Variants in PTPRD observed in about 807,000 individuals in gnomAD.
PTPRD encodes receptor-type tyrosine-protein phosphatase delta.
Under a neutral mutation model 214.5 loss-of-function variants are expected in PTPRD, and 34 were observed. That is an observed-to-expected ratio of 0.16 (90% CI 0.12 to 0.21). The LOEUF (loss-of-function observed/expected upper bound fraction) is 0.21, where lower values mean the gene tolerates loss of function less well. PTPRD is among the 10% of genes least tolerant of loss of function. PTPRD has a pLI of 1.00. For missense variants in PTPRD, 2,545 were observed against 2,398.7 expected (o/e 1.06, Z -1.27); for synonymous variants, 1,128 against 845.7 (o/e 1.33, Z -5.79).
At chr9:9,821,156 T>A (rs1192574176) in intron 5 of PTPRD, among the ~76,000 whole-genome samples, 4 of 152,048 alleles carry the variant, frequency 2.6e-5, no homozygotes, top group African/African-American at 9.7e-5. Flanking sequence ...GTTAAGTATT[T>A]TTGTGTGTAT....
intron 8 of PTPRD, among the ~76,000 whole-genome samples, chr9:9,513,005 T>C (rs1167182105): frequency 6.6e-6 from 1 of 152,064 alleles, no homozygotes; most frequent in East Asian, 1.9e-4. Context: ...TAAAAATCTT[T>C]CTTTTGGGAT....
intron 10 of PTPRD, among the ~76,000 whole-genome samples, chr9:9,115,057 G>C (rs572238854): frequency 1.3e-4 from 20 of 152,112 alleles, no homozygotes; most frequent in South Asian, 2.1e-4. Context: ...TCCTGAACTG[G>C]AGCTCAGAAA....
At chr9:10,437,619 G>T (rs539208158) in intron 2 of PTPRD, among the ~76,000 whole-genome samples, 88 of 151,482 alleles carry the variant, frequency 5.8e-4, no homozygotes, top group Non-Finnish European at 1.0e-4. Flanking sequence ...CAATATTTCC[G>T]TGTCTGTGTT....
intron 3 of PTPRD, among the ~76,000 whole-genome samples, chr9:10,061,863 C>A (rs2097782363): frequency 6.6e-6 from 1 of 151,946 alleles, no homozygotes; most frequent in Admixed American, 6.6e-5. Flanking sequence ...ACAGTATAGT[C>A]TCTGGACCTG....
chr9:9,844,418 G>T (rs558275738), intron 5 of PTPRD, among the ~76,000 whole-genome samples: 1 of 151,904 alleles, frequency 6.6e-6, no homozygotes, highest in Non-Finnish European at 1.5e-5. Context: ...AAACAGAGTA[G>T]GATGATGGCT....
chr9:9,330,046 C>T (rs921384908), intron 9 of PTPRD, among the ~76,000 whole-genome samples: 4 of 152,046 alleles, frequency 2.6e-5, no homozygotes, highest in Non-Finnish European at 4.4e-5. Flanking sequence ...TTTAGGATGG[C>T]GGATTGGGTT....
At chr9:10,334,262 CT>C (rs1235456623) in intron 3 of PTPRD, among the ~76,000 whole-genome samples, 5 of 151,674 alleles carry the variant, frequency 3.3e-5, no homozygotes, top group African/African-American at 1.2e-4. Context: ...TAAAAGGTGA[CT>C]TTTCTTTATC....
At chr9:10,553,346 ATT>A (rs35758149) in intron 2 of PTPRD, among the ~76,000 whole-genome samples, 20 of 146,460 alleles carry the variant, frequency 1.4e-4, no homozygotes, top group East Asian at 4.0e-4. Context: ...AACAATCTTT[ATT>A]TTTTTTTTTT....
intron 5 of PTPRD, among the ~76,000 whole-genome samples, chr9:9,931,885 C>T (rs377710219): frequency 2.5e-4 from 38 of 149,666 alleles, no homozygotes; most frequent in East Asian, 6.0e-4. Context: ...GATCTGAGAA[C>T]GGGCAGACTG....
chr9:8,864,833 A>G (rs975147108), intron 11 of PTPRD, among the ~76,000 whole-genome samples: 15 of 152,330 alleles, frequency 9.8e-5, no homozygotes, highest in South Asian at 8.3e-4. Flanking sequence ...AAAACAGTGA[A>G]TATAGCAAGG....
At chr9:10,304,582 A>G (rs1416356416) in intron 3 of PTPRD, among the ~76,000 whole-genome samples, 4 of 152,164 alleles carry the variant, frequency 2.6e-5, no homozygotes, top group Admixed American at 1.3e-4. Context: ...TACAAAACCA[A>G]TGTGCAAAAA....
At chr9:10,347,821 G>A (rs1326538536) in intron 2 of PTPRD, among the ~76,000 whole-genome samples, 8 of 152,030 alleles carry the variant, frequency 5.3e-5, no homozygotes, top group Non-Finnish European at 1.0e-4. Context: ...ACTTTGGGAG[G>A]CCGAGGCAGG....
Position 8,651,472 on chromosome 9 carries a change from G to C in PTPRD, c.65-14628C>G, listed in dbSNP as rs1418901981. Among the ~76,000 whole-genome samples the C allele has an allele frequency of 3.3e-5, 5 of 152,248 alleles. No individual in the cohort carries two copies. In the South Asian group the frequency reaches 8.3e-4, roughly 25 times the overall value. ...GATAGAGGCTAGGGTACGATTCCTT[G>C]GTTTGTAGATGGAAATAAACCCATG... On this transcript the variant is annotated intron_variant, in intron 12 of 45. Transcript: ENST00000381196.
intron 8 of PTPRD, among the ~76,000 whole-genome samples, chr9:9,484,208 G>A (rs1482178656): frequency 3.4e-5 from 5 of 145,040 alleles, no homozygotes; most frequent in African/African-American, 1.3e-4. Flanking sequence ...ATACTATACA[G>A]CAAAAAAAAA....
chr9:9,980,078 A>G (rs2095488558), intron 4 of PTPRD, among the ~76,000 whole-genome samples: 1 of 152,192 alleles, frequency 6.6e-6, no homozygotes, highest in Non-Finnish European at 1.5e-5. Flanking sequence ...TTTATTAAAC[A>G]AGAACTAAAA....
intron 11 of PTPRD, among the ~76,000 whole-genome samples, chr9:8,734,541 A>C (rs1399183070): frequency 6.6e-6 from 1 of 152,246 alleles, no homozygotes; most frequent in African/African-American, 2.4e-5. Flanking sequence ...AAGTCAAAAC[A>C]ATAGTTAGCA....
rs951470027 is a variant in PTPRD at position 10,012,362 on chromosome 9, G to GA, written c.-472+21355dup. Among the ~76,000 whole-genome samples, 36 of 150,374 alleles carry GA rather than the reference G, an allele frequency of 2.4e-4. 1 individual carries two copies. Among genetic ancestry groups the GA allele is most frequent in the Middle Eastern group, 3.4e-3 (1 of 292 alleles). ...AGCTAAAAAAGTGGAAAAGCAGATGGAAAAAAAAATCGTGTTTTCCACTGT... is the reference window on the plus strand; with the variant it reads ...AGCTAAAAAAGTGGAAAAGCAGATGGAAAAAAAAAATCGTGTTTTCCACTGT... On this transcript the variant is annotated intron_variant, in intron 4 of 45. Coordinates refer to ENST00000381196, the MANE Select transcript of PTPRD (RefSeq NM_002839.4).
intron 3 of PTPRD, among the ~76,000 whole-genome samples, chr9:10,250,711 G>A (rs906855757): frequency 2.6e-5 from 4 of 151,864 alleles, no homozygotes; most frequent in African/African-American, 9.7e-5. Flanking sequence ...GCTATATGTT[G>A]GTTCACTTCC....
At chr9:10,382,992 T>C (rs540006093) in intron 2 of PTPRD, among the ~76,000 whole-genome samples, 2 of 151,874 alleles carry the variant, frequency 1.3e-5, no homozygotes, top group Non-Finnish European at 2.9e-5. Flanking sequence ...CACTGATATT[T>C]GGATTACTAC....
Sources: allele counts gnomAD v4.1 joint callset (sites outside exome capture counted in the v4.1 genomes callset), GRCh38; gene constraint gnomAD v4.1.1; transcripts MANE v1.5; gene names NCBI Gene and HGNC (gene_info 2026-07-23, HGNC 2026-07-21).